PDE11A: variants seen among roughly 807,000 people sequenced by gnomAD.
The protein encoded by PDE11A is dual 3',5'-cyclic-AMP and -GMP phosphodiesterase 11A.
A neutral mutation model predicts 100.5 loss-of-function variants in PDE11A; 100 were observed. The observed-to-expected ratio is 1.00, with a 90% CI of 0.85 to 1.18. The LOEUF (loss-of-function observed/expected upper bound fraction) is 1.18, where lower values mean the gene tolerates loss of function less well. Ranked by LOEUF, PDE11A falls within the 50% of genes most tolerant of loss-of-function variation. The pLI is 0.00. For missense variants in PDE11A, 1,141 were observed against 1,152.6 expected (o/e 0.99, Z 0.15); for synonymous variants, 381 against 420.8 (o/e 0.91, Z 1.16).
At chr2:178,075,845 T>C (rs575534024), upstream of PDE11A, among the ~76,000 whole-genome samples, 60 of 152,218 alleles carry the variant, frequency 3.9e-4, no homozygotes, top group Admixed American at 1.2e-3. Flanking sequence ...GAGGTCCCAC[T>C]AGGAAAGAAT....
At chr2:177,706,566 T>G (rs2081283094) in intron 13 of PDE11A, among the ~76,000 whole-genome samples, 2 of 152,220 alleles carry the variant, frequency 1.3e-5, no homozygotes, top group Non-Finnish European at 2.9e-5. Context: ...TTGACCATGA[T>G]GCTAAAAAGC....
At chr2:177,712,339 C>CT (rs1451238362) in intron 12 of PDE11A, among the ~76,000 whole-genome samples, 1,199 of 106,984 alleles carry the variant, frequency 0.011, 9 homozygotes, top group African/African-American at 0.032. Context: ...GAACACAACC[C>CT]TTCTTTTTTT....
chr2:177,635,899 A>T (rs989035451), intron 19 of PDE11A, among the ~76,000 whole-genome samples: 7 of 151,348 alleles, frequency 4.6e-5, no homozygotes, highest in African/African-American at 1.7e-4. Flanking sequence ...CTGCTGTCAA[A>T]ATTTGTTTAA....
intron 5 of PDE11A, among the ~76,000 whole-genome samples, chr2:177,845,005 C>T: frequency 6.6e-6 from 1 of 151,632 alleles, no homozygotes; most frequent in Non-Finnish European, 1.5e-5. Context: ...CCTTTCTATT[C>T]CACAAAGCCG....
rs185765114 is a variant in PDE11A, at chr2:177,657,022, C to A, written c.2646+6844G>T. Among the ~76,000 whole-genome samples the A allele has an allele frequency of 2.0e-5, 3 of 152,096 alleles. 1 individual carries two copies. The East Asian group carries it at 5.8e-4, about 29-fold the overall frequency. ...GGTACCTTATAGATGGTGATAGTAACCTGAGGTCTTTAAAGCAGGGAGATG... is the reference window on the plus strand; with the variant it reads ...GGTACCTTATAGATGGTGATAGTAAACTGAGGTCTTTAAAGCAGGGAGATG... On this transcript the variant is annotated intron_variant, in intron 19 of 19. Coordinates refer to ENST00000286063, the MANE Select transcript of PDE11A (RefSeq NM_016953.4).
intron 2 of PDE11A, among the ~76,000 whole-genome samples, chr2:177,995,181 T>A (rs2086055380): frequency 6.6e-6 from 1 of 152,248 alleles, no homozygotes; most frequent in South Asian, 2.1e-4. Context: ...CACTGGCTGA[T>A]CTATCTCTGA....
chr2:177,668,153 C>T (rs1283226927), intron 18 of PDE11A, among the ~76,000 whole-genome samples: 1 of 152,144 alleles, frequency 6.6e-6, no homozygotes, highest in Non-Finnish European at 1.5e-5. Context: ...CAGAAAATGC[C>T]TTACCTGAGC....
At chr2:177,629,675 G>C (rs940625824) in intron 19 of PDE11A, 113 bp from the exon 20 acceptor site, 17 of 1,078,926 alleles carry the variant, frequency 1.6e-5, no homozygotes, top group Non-Finnish European at 2.3e-5. Context: ...GGAAATGAAA[G>C]TGATGATTAT....
chr2:177,654,034 G>A (rs1460499179), intron 19 of PDE11A, among the ~76,000 whole-genome samples: 1 of 152,044 alleles, frequency 6.6e-6, no homozygotes, highest in East Asian at 1.9e-4. Context: ...TTCCTTCAGA[G>A]TGTATATCTT....
chr2:178,011,549 C>G (rs1023672024), intron 2 of PDE11A, among the ~76,000 whole-genome samples: 7 of 152,180 alleles, frequency 4.6e-5, no homozygotes, highest in Non-Finnish European at 1.0e-4. Context: ...GTGTGCCACC[C>G]TCCCAGCTAC....
At chr2:177,861,460 G>C (rs1007168715) in intron 5 of PDE11A, among the ~76,000 whole-genome samples, 2 of 151,748 alleles carry the variant, frequency 1.3e-5, no homozygotes, top group African/African-American at 4.8e-5. Flanking sequence ...TTATATACAG[G>C]AGTTGGAATA....
chr2:178,072,309 A>G lies in PDE11A; in HGVS notation c.129T>C (p.Ser43=), dbSNP rs2087145481. The G allele has an allele frequency of 1.9e-6, 3 of 1,614,042 alleles. No individual in the cohort carries two copies. The highest frequency in any genetic ancestry group is 2.2e-5 in the East Asian group (1 of 44,866). Reference sequence around the variant, plus strand: ...TTGGACCTAAAGCCCCCTGACCCTGACTGTGCCTCTGCAGCCACTTTTCAA... The same window carrying G: ...TTGGACCTAAAGCCCCCTGACCCTGGCTGTGCCTCTGCAGCCACTTTTCAA... ...EMVEKWLQRH[S]QGQGALGPRP... The change falls in exon 1 of 20, where the codon AGT becomes AGC. Residue 43 remains serine (S), a synonymous_variant. Transcript: ENST00000286063.
intron 9 of PDE11A, among the ~76,000 whole-genome samples, chr2:177,777,374 T>C (rs1394240467): frequency 1.3e-5 from 2 of 152,316 alleles, no homozygotes; most frequent in East Asian, 1.9e-4. Flanking sequence ...AATTCTTAAT[T>C]ACTTTTAGCA....
chr2:177,960,593 T>C (rs1169033446), intron 2 of PDE11A, among the ~76,000 whole-genome samples: 1 of 152,170 alleles, frequency 6.6e-6, no homozygotes, highest in African/African-American at 2.4e-5. Context: ...AAGCAAACTA[T>C]ATAGAATGGA....
upstream of PDE11A, among the ~76,000 whole-genome samples, chr2:178,073,474 G>A (rs2105874579): frequency 6.6e-6 from 1 of 152,240 alleles, no homozygotes; most frequent in East Asian, 1.9e-4. Flanking sequence ...TGAAGAGTCT[G>A]GAGTATTTAA....
chr2:178,072,860 G>T, upstream of PDE11A: 1 of 1,153,382 alleles, frequency 8.7e-7, no homozygotes, highest in South Asian at 2.0e-5. Context: ...GGAGAGAAGA[G>T]GAGGGAGCCG....
intron 2 of PDE11A, among the ~76,000 whole-genome samples, chr2:177,979,294 C>T (rs1471483418): frequency 1.3e-5 from 2 of 150,514 alleles, no homozygotes; most frequent in Non-Finnish European, 3.0e-5. Flanking sequence ...CTAGTGACTT[C>T]TTCCTACTTT....
intron 2 of PDE11A, among the ~76,000 whole-genome samples, chr2:177,970,407 A>G (rs1416185852): frequency 5.3e-5 from 8 of 152,132 alleles, no homozygotes; most frequent in Non-Finnish European, 1.2e-4. Flanking sequence ...GACTTTGACT[A>G]TATCTAATTA....
chr2:177,991,510 T>C lies in PDE11A; in HGVS notation c.1071+22792A>G, dbSNP rs1175120483. 3.4e-5 allele frequency among the ~76,000 whole-genome samples: 5 copies of C among 148,984 alleles called. No homozygotes were observed. In the Admixed American group the frequency reaches 3.4e-4, roughly 10 times the overall value. The stretch of plus-strand genomic sequence containing the variant: ...ATTAGCCAGGCGTGGTGGCAGGCAC[T>C]TGTAATCCCACCTACTCGGGAGGCT... On this transcript the variant is annotated intron_variant, in intron 2 of 19. Transcript: ENST00000286063.
Sources: allele counts gnomAD v4.1 joint callset (sites outside exome capture counted in the v4.1 genomes callset), GRCh38; gene constraint gnomAD v4.1.1; transcripts MANE v1.5; gene names NCBI Gene and HGNC (gene_info 2026-07-23, HGNC 2026-07-21).